ATG10: variants seen among roughly 807,000 people sequenced by gnomAD.
The protein encoded by ATG10 is autophagy related 10, also known as ubiquitin-like-conjugating enzyme ATG10.
A neutral mutation model predicts 32.1 loss-of-function variants in ATG10; 30 were observed. That is an observed-to-expected ratio of 0.94 (90% CI 0.70 to 1.27). The LOEUF is 1.27. ATG10 is among the 50% of genes most tolerant of loss of function. The pLI is 0.00. For synonymous variants in ATG10, 87 were observed against 91.5 expected (o/e 0.95, Z 0.28); for missense variants, 233 against 262.3 (o/e 0.89, Z 0.77).
intron 5 of ATG10, among the ~76,000 whole-genome samples, chr5:82,201,979 A>C (rs569734757): frequency 5.9e-5 from 9 of 152,308 alleles, no homozygotes; most frequent in African/African-American, 7.2e-5. Flanking sequence ...TATATTGTCC[A>C]TAGGTTCTGA....
chr5:81,996,517 G>C (rs931164343), intron 2 of ATG10, among the ~76,000 whole-genome samples: 2 of 152,226 alleles, frequency 1.3e-5, no homozygotes, highest in African/African-American at 4.8e-5. Flanking sequence ...TGGGATTACA[G>C]GTGTGAGCTA....
At chr5:82,049,325 A>C (rs541112237) in intron 2 of ATG10, among the ~76,000 whole-genome samples, 50 of 147,630 alleles carry the variant, frequency 3.4e-4, no homozygotes, top group Non-Finnish European at 6.4e-4. Context: ...GCATATTCTC[A>C]CTCATAGGTG....
At position 82,058,580 on chromosome 5, in the gene ATG10, G is replaced by C. The variant is rs1217940145; in HGVS notation, c.194G>C (p.Gly65Ala). ...VMSHLGASTH[G>A]QTCLPMEEAF... The stretch of plus-strand genomic sequence containing the variant: ...TCACATCTAGGAGCATCTACCCATG[G>C]ACAGACATGTCTTCCCATGGAGGTG... The change falls in exon 3 of 8, where the codon GGA (glycine) becomes GCA (alanine). Residue 65 changes from glycine to alanine, a missense_variant. Coordinates refer to ENST00000282185, the MANE Select transcript of ATG10 (RefSeq NM_031482.5). 4 of 1,611,652 alleles carry C rather than the reference G, an allele frequency of 2.5e-6. No individual in the cohort carries two copies. In the Admixed American group the frequency reaches 5.0e-5, roughly 20 times the overall value.
intron 3 of ATG10, among the ~76,000 whole-genome samples, chr5:82,086,774 A>G (rs1209161490): frequency 6.6e-6 from 1 of 152,186 alleles, no homozygotes; most frequent in African/African-American, 2.4e-5. Flanking sequence ...GGAGAGAATG[A>G]GGGGAGGCAT....
chr5:81,983,095 A>G (rs1198016787), intron 1 of ATG10, among the ~76,000 whole-genome samples: 5 of 151,844 alleles, frequency 3.3e-5, no homozygotes, highest in African/African-American at 1.2e-4. Context: ...GGTGGTGGCC[A>G]GGCAGAGGGG....
chr5:82,123,846 G>C (rs373079481), intron 3 of ATG10, among the ~76,000 whole-genome samples: 15 of 151,868 alleles, frequency 9.9e-5, no homozygotes, highest in African/African-American at 3.6e-4. Context: ...TGAGGTGAGA[G>C]GATCACTTGG....
intron 4 of ATG10, among the ~76,000 whole-genome samples, chr5:82,175,978 T>C (rs1009933781): frequency 6.6e-6 from 1 of 152,130 alleles, no homozygotes; most frequent in African/African-American, 2.4e-5. Context: ...CACAAAGGCT[T>C]GGAACAGATG....
chr5:82,187,811 C>T (rs1013111367), intron 5 of ATG10, among the ~76,000 whole-genome samples: 1 of 152,034 alleles, frequency 6.6e-6, no homozygotes, highest in Non-Finnish European at 1.5e-5. Context: ...TGGTCTCGAA[C>T]TCCTGACTTC....
chr5:82,048,547 TG>T (rs1444378247), intron 2 of ATG10, among the ~76,000 whole-genome samples: 1 of 152,026 alleles, frequency 6.6e-6, no homozygotes, highest in East Asian at 1.9e-4. Flanking sequence ...AATTGACAAA[TG>T]GGATCTAATT....
At chr5:82,047,622 C>G (rs886196650) in intron 2 of ATG10, among the ~76,000 whole-genome samples, 1 of 152,188 alleles carries the variant, frequency 6.6e-6, no homozygotes, top group Non-Finnish European at 1.5e-5. Context: ...TCTAGCCTGA[C>G]AAGTGGCTAA....
chr5:82,083,153 G>T (rs1039315024), intron 3 of ATG10, among the ~76,000 whole-genome samples: 1 of 152,206 alleles, frequency 6.6e-6, no homozygotes, highest in South Asian at 2.1e-4. Context: ...TTTTCCAAGG[G>T]TCTTAGCAAA....
intron 2 of ATG10, chr5:82,009,797 G>A (rs1172426840): frequency 1.9e-6 from 3 of 1,607,136 alleles, no homozygotes; most frequent in Non-Finnish European, 2.6e-6. Flanking sequence ...CATTTGCCAT[G>A]GACAAGATGC....
intron 3 of ATG10, among the ~76,000 whole-genome samples, chr5:82,118,417 T>TA (rs1472778722): frequency 7.1e-6 from 1 of 141,190 alleles, no homozygotes; most frequent in African/African-American, 2.6e-5. Context: ...TATGTATATA[T>TA]TCCCTAGCAC....
At chr5:82,192,836 G>A (rs1442920043) in intron 5 of ATG10, among the ~76,000 whole-genome samples, 5 of 152,134 alleles carry the variant, frequency 3.3e-5, no homozygotes, top group Non-Finnish European at 7.4e-5. Context: ...GCATTCACAG[G>A]CCAAGGCTTA....
At chr5:81,983,835 C>A (rs1013181450) in intron 1 of ATG10, among the ~76,000 whole-genome samples, 17 of 151,894 alleles carry the variant, frequency 1.1e-4, no homozygotes, top group African/African-American at 3.9e-4. Flanking sequence ...GGGTCGTGGC[C>A]AGGCAGAGAC....
intron 2 of ATG10, among the ~76,000 whole-genome samples, chr5:82,050,839 C>CAAAAA (rs71000881): frequency 1.4e-4 from 5 of 36,294 alleles, no homozygotes; most frequent in Admixed American, 4.4e-4. Flanking sequence ...CCATCTCTAC[C>CAAAAA]AAAAAAAAAA....
At chr5:82,150,691 A>G (rs138694462) in intron 3 of ATG10, among the ~76,000 whole-genome samples, 102 of 152,280 alleles carry the variant, frequency 6.7e-4, no homozygotes, top group Middle Eastern at 6.8e-3. Context: ...AGTCGTCCAC[A>G]GGGCTGGCCT....
At chr5:82,169,109 G>T (rs1041095088) in intron 4 of ATG10, among the ~76,000 whole-genome samples, 12 of 152,216 alleles carry the variant, frequency 7.9e-5, no homozygotes, top group African/African-American at 2.9e-4. Context: ...TGGAGTAGGG[G>T]CTAACTTAGG....
chr5:82,222,189 A>G (rs1745954968), intron 5 of ATG10, among the ~76,000 whole-genome samples: 1 of 152,178 alleles, frequency 6.6e-6, no homozygotes, highest in Admixed American at 6.6e-5. Flanking sequence ...TGGTACACCA[A>G]CTTCCCAATT....
Sources: allele counts gnomAD v4.1 joint callset (sites outside exome capture counted in the v4.1 genomes callset), GRCh38; gene constraint gnomAD v4.1.1; transcripts MANE v1.5; gene names NCBI Gene and HGNC (gene_info 2026-07-23, HGNC 2026-07-21).